ARL15: variants seen among roughly 807,000 people sequenced by gnomAD.
ARL15 encodes ADP-ribosylation factor-like protein 15.
Under a neutral mutation model 25.2 loss-of-function variants are expected in ARL15, and 19 were observed. The observed-to-expected ratio is 0.75, with a 90% CI of 0.53 to 1.10. The LOEUF (loss-of-function observed/expected upper bound fraction) is 1.10. Ranked by LOEUF, ARL15 falls within the 50% of genes least tolerant of loss-of-function variation. The pLI is 0.00. For missense variants in ARL15, 220 were observed against 246.0 expected (o/e 0.89, Z 0.71); for synonymous variants, 94 against 86.8 (o/e 1.08, Z -0.46).
At chr5:54,280,974 GAA>G (rs1254774552) in intron 1 of ARL15, among the ~76,000 whole-genome samples, 1 of 130,696 alleles carries the variant, frequency 7.7e-6, no homozygotes. Flanking sequence ...CAGGCTGGTG[GAA>G]AAAAAAAAAA....
chr5:54,176,742 C>T (rs572168417), intron 1 of ARL15, among the ~76,000 whole-genome samples: 3 of 152,160 alleles, frequency 2.0e-5, no homozygotes, highest in Admixed American at 6.6e-5. Flanking sequence ...CACTCTCTGC[C>T]GCTTCCTTTC....
chr5:54,128,789 T>C (rs1328293100), intron 3 of ARL15, among the ~76,000 whole-genome samples: 1 of 143,844 alleles, frequency 7.0e-6, no homozygotes, highest in African/African-American at 2.5e-5. Flanking sequence ...CACTACAACC[T>C]CCACCTCCCA....
At chr5:54,025,386 C>A (rs1185791848) in intron 4 of ARL15, among the ~76,000 whole-genome samples, 1 of 151,480 alleles carries the variant, frequency 6.6e-6, no homozygotes, top group East Asian at 1.9e-4. Flanking sequence ...GAAGGCGATT[C>A]TGTAAGGAAA....
chr5:54,003,462 A>G (rs1022520693), intron 4 of ARL15, among the ~76,000 whole-genome samples: 1 of 152,204 alleles, frequency 6.6e-6, no homozygotes, highest in African/African-American at 2.4e-5. Flanking sequence ...GTACATGCAC[A>G]TTGAAGATCC....
intron 4 of ARL15, among the ~76,000 whole-genome samples, chr5:54,092,329 A>G (rs780650481): frequency 6.6e-6 from 1 of 151,870 alleles, no homozygotes; most frequent in Non-Finnish European, 1.5e-5. Flanking sequence ...AGGCTTATGG[A>G]ATTAGATGCT....
At chr5:54,227,457 A>G (rs1431908477) in intron 1 of ARL15, among the ~76,000 whole-genome samples, 3 of 152,192 alleles carry the variant, frequency 2.0e-5, no homozygotes, top group Non-Finnish European at 4.4e-5. Flanking sequence ...GCGGCTTTTT[A>G]TCAGTGAAAA....
intron 4 of ARL15, among the ~76,000 whole-genome samples, chr5:53,923,297 T>A (rs1270128897): frequency 6.6e-6 from 1 of 151,532 alleles, no homozygotes; most frequent in Non-Finnish European, 1.5e-5. Context: ...CAAGTTTGTA[T>A]TTGTGGTCTG....
chr5:54,075,073 GAAAAAAA>G (rs3836818), intron 4 of ARL15, among the ~76,000 whole-genome samples: 2 of 63,926 alleles, frequency 3.1e-5, no homozygotes, highest in African/African-American at 6.4e-5. Context: ...CAGAATACAG[GAAAAAAA>G]AAAAAAAAAA....
chr5:54,275,772 C>T (rs1409631851), intron 1 of ARL15, among the ~76,000 whole-genome samples: 1 of 151,716 alleles, frequency 6.6e-6, no homozygotes, highest in Non-Finnish European at 1.5e-5. Context: ...GCAAGCTCTG[C>T]CTCCCCGGTT....
At chr5:54,284,262 C>CATGCT (rs1758132713) in intron 1 of ARL15, among the ~76,000 whole-genome samples, 1 of 152,144 alleles carries the variant, frequency 6.6e-6, no homozygotes, top group African/African-American at 2.4e-5. Flanking sequence ...TGCCACCATG[C>CATGCT]CCAGCAAATA....
chr5:54,127,278 A>C (rs986185551), intron 3 of ARL15, among the ~76,000 whole-genome samples: 1 of 152,082 alleles, frequency 6.6e-6, no homozygotes, highest in Non-Finnish European at 1.5e-5. Flanking sequence ...AGTCTTTGCT[A>C]TTCCCAAAAT....
chr5:53,931,194 G>A (rs573852874), intron 4 of ARL15, among the ~76,000 whole-genome samples: 1 of 152,162 alleles, frequency 6.6e-6, no homozygotes, highest in South Asian at 2.1e-4. Flanking sequence ...AAAAAACGCA[G>A]GGAAAAAAAT....
chr5:53,999,066 G>C (rs1270499822), intron 4 of ARL15, among the ~76,000 whole-genome samples: 1 of 152,184 alleles, frequency 6.6e-6, no homozygotes, highest in Non-Finnish European at 1.5e-5. Flanking sequence ...CTGAGATGCT[G>C]TCAAGAGTGG....
rs1200845060 is a variant in ARL15 at position 54,165,651 on chromosome 5, GA to G, written c.193+6132del. ...TCTTTGTACTACTTTGTTCTCAAGA[GA>G]AAAAAAAAACCAAAAGGATGTGTGT... is the stretch of plus-strand genomic sequence containing the variant. On this transcript the variant is annotated intron_variant, in intron 2 of 4. Transcript: ENST00000504924. Among the ~76,000 whole-genome samples the G allele has an allele frequency of 2.1e-4, 29 of 141,450 alleles. 1 individual carries two copies. The highest frequency in any genetic ancestry group is 1.1e-3 in the Admixed American group (15 of 14,210). The allele number at this position is 141,450 out of a possible 152,430, so 92.8% of individuals were successfully genotyped here. A position where few individuals can be genotyped will look rare whatever the true frequency, so the allele number is the denominator to read the frequency against.
chr5:53,951,689 T>A, intron 4 of ARL15: 1 of 389,632 alleles, frequency 2.6e-6, no homozygotes, highest in East Asian at 9.9e-5. Flanking sequence ...AGTAAATAAA[T>A]ATATTGCTTT....
At chr5:54,097,394 T>G (rs918598640) in intron 4 of ARL15, among the ~76,000 whole-genome samples, 15 of 137,186 alleles carry the variant, frequency 1.1e-4, no homozygotes, top group Non-Finnish European at 2.2e-4. Flanking sequence ...GGCTTCCATT[T>G]TTACTTCAAA....
rs77462833 is a variant in ARL15 at position 53,919,218 on chromosome 5, C to T, written c.463-32505G>A. 8.3e-3 allele frequency among the ~76,000 whole-genome samples: 1,263 copies of T among 152,260 alleles called. 23 individuals are homozygous for T. The highest frequency in any genetic ancestry group is 0.03 in the African/African-American group (1,229 of 41,532). ...ATTCAAATACTACATCGTAAGTCTA[C>T]GAGGTGTGTGCCAAAGGTGTTATCC... On this transcript the variant is annotated intron_variant, in intron 4 of 4. Coordinates refer to ENST00000504924, the MANE Select transcript of ARL15 (RefSeq NM_019087.3).
chr5:54,008,528 T>C (rs796510440), intron 4 of ARL15, among the ~76,000 whole-genome samples: 11 of 152,354 alleles, frequency 7.2e-5, no homozygotes, highest in African/African-American at 2.6e-4. Flanking sequence ...TTGCAGGGGT[T>C]GGAGAATGTG....
intron 4 of ARL15, among the ~76,000 whole-genome samples, chr5:53,907,789 C>T (rs1269841978): frequency 6.6e-6 from 1 of 151,864 alleles, no homozygotes; most frequent in Non-Finnish European, 1.5e-5. Flanking sequence ...AGCCACAGCG[C>T]CCAGCCGAGT....
Sources: gnomAD v4.1 joint callset for allele counts (sites outside exome capture counted in the v4.1 genomes callset) on GRCh38, gnomAD v4.1.1 for gene constraint, MANE v1.5 for transcripts, NCBI Gene and HGNC (gene_info 2026-07-23, HGNC 2026-07-21) for gene names.